Variants in DOK6 observed in about 807,000 individuals in gnomAD.
DOK6 encodes the protein downstream of tyrosine kinase 6.
DOK6 carries 22 observed loss-of-function variants against 44.0 expected under a neutral mutation model. The observed-to-expected ratio is 0.50, with a 90% CI of 0.36 to 0.71. The LOEUF is 0.71. Among genes scored for constraint, DOK6 ranks in the 30% least tolerant of loss-of-function variants. The probability of loss-of-function intolerance (pLI) is 0.00; values close to 1 mark genes in which losing one functional copy is unlikely to be tolerated. For synonymous variants in DOK6, 166 were observed against 145.5 expected, an observed-to-expected ratio of 1.14 and a Z score of -1.01; for missense variants, 340 against 416.4, an observed-to-expected ratio of 0.82 and a Z score of 1.60.
intron 7 of DOK6, among the ~76,000 whole-genome samples, chr18:69,811,392 A>G (rs2145115644): frequency 1.3e-5 from 2 of 151,878 alleles, no homozygotes; most frequent in South Asian, 2.1e-4. Flanking sequence ...CTATTGTACA[A>G]CATGATAACT....
At chr18:69,766,037 A>G (rs1979702984) in intron 7 of DOK6, among the ~76,000 whole-genome samples, 1 of 152,162 alleles carries the variant, frequency 6.6e-6, no homozygotes, top group East Asian at 1.9e-4. Context: ...TCAACAGTGG[A>G]TTGGATCAAG....
At chr18:69,786,774 C>T (rs1980442719) in intron 7 of DOK6, among the ~76,000 whole-genome samples, 1 of 152,202 alleles carries the variant, frequency 6.6e-6, no homozygotes, top group Non-Finnish European at 1.5e-5. Context: ...TAAACTTTGA[C>T]ATTTTGCAGA....
At chr18:69,723,244 G>T (rs1978291901) in intron 5 of DOK6, among the ~76,000 whole-genome samples, 1 of 152,182 alleles carries the variant, frequency 6.6e-6, no homozygotes, top group African/African-American at 2.4e-5. Flanking sequence ...ATTCAAGAAG[G>T]CAACATTACT....
chr18:69,525,214 G>A (rs1488286315), intron 1 of DOK6, among the ~76,000 whole-genome samples: 1 of 151,632 alleles, frequency 6.6e-6, no homozygotes, highest in African/African-American at 2.4e-5. Flanking sequence ...TCTTTATTAT[G>A]CATAATAAAA....
intron 5 of DOK6, among the ~76,000 whole-genome samples, chr18:69,723,877 G>A (rs915738822): frequency 1.3e-5 from 2 of 152,186 alleles, no homozygotes; most frequent in Non-Finnish European, 2.9e-5. Flanking sequence ...ATTCCACTCA[G>A]TGTGTTTCCC....
At chr18:69,486,546 A>G (rs564710783) in intron 1 of DOK6, among the ~76,000 whole-genome samples, 103 of 152,342 alleles carry the variant, frequency 6.8e-4, no homozygotes, top group African/African-American at 2.3e-3. Flanking sequence ...GGAAACTTAC[A>G]TTGTGTACTT....
At chr18:69,494,220 A>G (rs1333277442) in intron 1 of DOK6, among the ~76,000 whole-genome samples, 1 of 152,238 alleles carries the variant, frequency 6.6e-6, no homozygotes, top group Non-Finnish European at 1.5e-5. Context: ...TCATGCCTGT[A>G]ATCCTAGAAC....
At chr18:69,615,929 A>AT (rs1451584967) in intron 3 of DOK6, among the ~76,000 whole-genome samples, 3 of 152,158 alleles carry the variant, frequency 2.0e-5, no homozygotes, top group African/African-American at 7.2e-5. Context: ...TGGCTAATGC[A>AT]TTTTTTCTAA....
At chr18:69,597,475 C>T (rs545771962) in intron 2 of DOK6, among the ~76,000 whole-genome samples, 1 of 152,282 alleles carries the variant, frequency 6.6e-6, no homozygotes, top group African/African-American at 2.4e-5. Context: ...AGCACTGTAC[C>T]TCATGCTGAA....
intron 7 of DOK6, among the ~76,000 whole-genome samples, chr18:69,810,342 C>G (rs1981185926): frequency 6.6e-6 from 1 of 151,924 alleles, no homozygotes; most frequent in Non-Finnish European, 1.5e-5. Context: ...AATGTAAGAC[C>G]TAGAACTGTA....
intron 7 of DOK6, among the ~76,000 whole-genome samples, chr18:69,774,135 T>TATATATATATATATATATATATATGAG (rs2144768728): frequency 8.7e-6 from 1 of 114,940 alleles, no homozygotes; most frequent in South Asian, 2.7e-4. Flanking sequence ...ATATATGAGA[T>TATATATATATATATATATATATATGAG]ATATATATAT....
At chr18:69,772,590 A>G (rs1979920657) in intron 7 of DOK6, among the ~76,000 whole-genome samples, 1 of 152,086 alleles carries the variant, frequency 6.6e-6, no homozygotes. Flanking sequence ...CTTCAGCAAG[A>G]GTGCCAAAAA....
chr18:69,771,807 T>C (rs1052718473), intron 7 of DOK6, among the ~76,000 whole-genome samples: 3 of 151,976 alleles, frequency 2.0e-5, no homozygotes, highest in African/African-American at 7.2e-5. Context: ...AGAAATTAGG[T>C]ATTTTCCATG....
At chr18:69,744,741 A>G (rs1255029306) in intron 6 of DOK6, among the ~76,000 whole-genome samples, 1 of 151,996 alleles carries the variant, frequency 6.6e-6, no homozygotes, top group African/African-American at 2.4e-5. Context: ...CCTGGCCAAC[A>G]TGGTGAAACC....
At position 69,843,654 on chromosome 18, in the gene DOK6, C is replaced by G. The variant is rs1599356383; in HGVS notation, c.*2271C>G. Reference sequence around the variant, plus strand: ...GGAGACAAATACCTGTATGTAATTGCTTCAAGAACTCCATTTGGTTCTGAT... The same window carrying G: ...GGAGACAAATACCTGTATGTAATTGGTTCAAGAACTCCATTTGGTTCTGAT... On this transcript the variant is annotated 3_prime_UTR_variant, in exon 8 of 8. Coordinates refer to ENST00000382713, the MANE Select transcript of DOK6 (RefSeq NM_152721.6). 6.6e-6 allele frequency: 1 copy of G among 152,220 alleles called. No homozygotes were observed. Among genetic ancestry groups the G allele is most frequent in the African/African-American group, 2.4e-5 (1 of 41,446 alleles). The allele number at this position is 152,220 out of a possible 1,614,324, so 9.4% of individuals were successfully genotyped here.
At chr18:69,787,649 C>G (rs1004518691) in intron 7 of DOK6, among the ~76,000 whole-genome samples, 8 of 151,982 alleles carry the variant, frequency 5.3e-5, no homozygotes, top group Admixed American at 4.6e-4. Flanking sequence ...TCCATTATGA[C>G]CAGAAACAGA....
intron 7 of DOK6, among the ~76,000 whole-genome samples, chr18:69,835,444 G>A (rs2212792): frequency 0.054 from 8,128 of 149,824 alleles, 589 homozygotes; most frequent in African/African-American, 0.17. Flanking sequence ...CAGCCTGGGC[G>A]ACAGAACGAG....
rs356009 is a variant in DOK6 at position 69,426,565 on chromosome 18, C to T, written c.66+25255C>T. Among the ~76,000 whole-genome samples, 1,342 of 152,180 alleles carry T rather than the reference C, an allele frequency of 8.8e-3. 22 individuals are homozygous for T. Among genetic ancestry groups the T allele is most frequent in the African/African-American group, 0.031 (1,274 of 41,540 alleles). On this transcript the variant is annotated intron_variant, in intron 1 of 7. Coordinates refer to ENST00000382713, the MANE Select transcript of DOK6 (RefSeq NM_152721.6). ...CTAAACTTTGGGCCATATTACTAAA[C>T]ATTGTAGATCATGAGTATGCCATTA...
At chr18:69,527,617 A>G (rs2144569984) in intron 1 of DOK6, among the ~76,000 whole-genome samples, 1 of 152,298 alleles carries the variant, frequency 6.6e-6, no homozygotes, top group African/African-American at 2.4e-5. Flanking sequence ...ACCATAGCAT[A>G]ATGCAATTAG....
Sources: allele counts gnomAD v4.1 joint callset (sites outside exome capture counted in the v4.1 genomes callset), GRCh38; gene constraint gnomAD v4.1.1; transcripts MANE v1.5; gene names NCBI Gene and HGNC (gene_info 2026-07-23, HGNC 2026-07-21).